The following ALG14 variants were observed in gnomAD, a reference collection of about 807,000 sequenced individuals.
ALG14 encodes the protein UDP-N-acetylglucosamine transferase subunit ALG14.
Under a neutral mutation model 22.8 loss-of-function variants are expected in ALG14, and 17 were observed. The ratio of observed to expected loss-of-function variants is 0.75; its 90% CI spans 0.51 to 1.12. The LOEUF is 1.12. Ranked by LOEUF, ALG14 falls within the 50% of genes most tolerant of loss-of-function variation. ALG14 has a pLI of 0.00. For synonymous variants in ALG14, 89 were observed against 103.7 expected (o/e 0.86, Z 0.86); for missense variants, 288 against 271.8 (o/e 1.06, Z -0.42).
intron 3 of ALG14, among the ~76,000 whole-genome samples, chr1:94,989,283 A>G (rs1043262601): frequency 1.3e-5 from 2 of 152,294 alleles, no homozygotes; most frequent in African/African-American, 4.8e-5. Flanking sequence ...AGCTTTCAGG[A>G]TTTAAGGAAG....
intron 3 of ALG14, among the ~76,000 whole-genome samples, chr1:95,024,399 C>A (rs553963948): frequency 1.3e-5 from 2 of 152,282 alleles, no homozygotes; most frequent in East Asian, 3.9e-4. Flanking sequence ...TTATTCATCC[C>A]TTTTAGTACC....
intron 2 of ALG14, among the ~76,000 whole-genome samples, chr1:95,039,993 C>T (rs2100794651): frequency 6.6e-6 from 1 of 151,970 alleles, no homozygotes; most frequent in South Asian, 2.1e-4. Context: ...GGCAACACGG[C>T]AAAACCCTAT....
chr1:95,014,179 C>T (rs958955182), intron 3 of ALG14, among the ~76,000 whole-genome samples: 2 of 152,194 alleles, frequency 1.3e-5, no homozygotes, highest in Non-Finnish European at 2.9e-5. Context: ...AGACTTCCTC[C>T]TCTGGTGACT....
intron 1 of ALG14, among the ~76,000 whole-genome samples, chr1:95,068,775 C>T (rs1405464565): frequency 6.6e-6 from 1 of 152,186 alleles, no homozygotes; most frequent in Non-Finnish European, 1.5e-5. Context: ...CCTCAATAAT[C>T]TGAATGAAGG....
intron 2 of ALG14, among the ~76,000 whole-genome samples, chr1:95,039,404 G>T (rs1674310901): frequency 6.6e-6 from 1 of 152,120 alleles, no homozygotes; most frequent in South Asian, 2.1e-4. Flanking sequence ...CTGAAGGCCT[G>T]ACGGCCAGCA....
intron 2 of ALG14, among the ~76,000 whole-genome samples, chr1:95,044,787 G>GT (rs1674492872): frequency 6.6e-6 from 1 of 151,924 alleles, no homozygotes. Context: ...ATTTTTTTGT[G>GT]TTTTTTGTTC....
At chr1:95,026,462 ATGTGTG>A (rs141495807) in intron 3 of ALG14, among the ~76,000 whole-genome samples, 2,860 of 142,316 alleles carry the variant, frequency 0.02, 83 homozygotes, top group African/African-American at 0.066. Flanking sequence ...AGCCCAAGGA[ATGTGTG>A]TGTGTGTGTG....
chr1:95,020,738 CA>C (rs113601264), intron 3 of ALG14, among the ~76,000 whole-genome samples: 8 of 137,660 alleles, frequency 5.8e-5, no homozygotes, highest in Admixed American at 7.3e-5. Flanking sequence ...AACTCCGTCT[CA>C]AAAAAAAAAA....
At chr1:95,025,847 T>C (rs550120461) in intron 3 of ALG14, among the ~76,000 whole-genome samples, 12 of 152,350 alleles carry the variant, frequency 7.9e-5, no homozygotes, top group Admixed American at 5.2e-4. Flanking sequence ...ACTGGTTTGA[T>C]AGTCTATCCA....
chr1:94,974,866 G>A lies in ALG14; in HGVS notation c.*8210C>T, dbSNP rs1346798293. The A allele has an allele frequency of 6.6e-6, 1 of 152,238 alleles. No homozygotes were observed. The highest frequency in any genetic ancestry group is 1.5e-5 in the Non-Finnish European group (1 of 68,060). The allele number at this position is 152,238 out of a possible 1,614,324, so 9.4% of individuals were successfully genotyped here. A position where few individuals can be genotyped will look rare whatever the true frequency, so the allele number is the denominator to read the frequency against. ...CTTTTCTCTCTTCCAAGGTGTCTGA[G>A]CCTCAGCTGGGAAGACCAGAAAGCC... On this transcript the variant is annotated 3_prime_UTR_variant, in exon 4 of 4. Coordinates refer to ENST00000370205, the MANE Select transcript of ALG14 (RefSeq NM_144988.4).
At chr1:95,015,087 A>G (rs1673464630) in intron 3 of ALG14, among the ~76,000 whole-genome samples, 1 of 152,130 alleles carries the variant, frequency 6.6e-6, no homozygotes, top group African/African-American at 2.4e-5. Flanking sequence ...GTGGGTTGGG[A>G]GCAAGTCAGG....
intron 2 of ALG14, among the ~76,000 whole-genome samples, chr1:95,043,330 A>G (rs1674442208): frequency 6.6e-6 from 1 of 152,158 alleles, no homozygotes; most frequent in Non-Finnish European, 1.5e-5. Context: ...TTGGGTTGCC[A>G]TAACTGGTGG....
intron 2 of ALG14, among the ~76,000 whole-genome samples, chr1:95,033,420 TAC>T (rs374040999): frequency 0.12 from 16,527 of 139,216 alleles, 949 homozygotes; most frequent in South Asian, 0.17. Context: ...TATATATATA[TAC>T]ACACACACAC....
intron 2 of ALG14, among the ~76,000 whole-genome samples, chr1:95,039,338 C>G (rs558113353): frequency 1.6e-4 from 25 of 152,094 alleles, no homozygotes; most frequent in Admixed American, 1.4e-3. Flanking sequence ...GGAGAGGGCA[C>G]GACCAGAGAA....
At chr1:95,067,659 T>C (rs781297435) in intron 1 of ALG14, 12 of 152,196 alleles carry the variant, frequency 7.9e-5, no homozygotes, top group Non-Finnish European at 1.3e-4. Context: ...CCATTTCTTT[T>C]GCTACTCCCC....
At chr1:95,055,038 G>A (rs540321835) in intron 2 of ALG14, among the ~76,000 whole-genome samples, 3 of 151,920 alleles carry the variant, frequency 2.0e-5, no homozygotes, top group East Asian at 1.9e-4. Flanking sequence ...AAATAAAATG[G>A]GAACAACCAT....
Position 95,052,716 on chromosome 1 carries a change from G to A in ALG14, c.288+12150C>T, listed in dbSNP as rs546872737. On this transcript the variant is annotated intron_variant, in intron 2 of 3. Transcript: ENST00000370205. ...CTACTAAATATACAAAAATGACTCA[G>A]GTGTGGTGGCACGTGCCTGTAATCT... Among the ~76,000 whole-genome samples the A allele has an allele frequency of 4.6e-5, 7 of 152,110 alleles. No homozygotes were observed. The East Asian group carries it at 9.7e-4, about 21-fold the overall frequency.
chr1:95,008,098 C>T (rs1035094994), intron 3 of ALG14, among the ~76,000 whole-genome samples: 3 of 152,058 alleles, frequency 2.0e-5, no homozygotes, highest in African/African-American at 7.3e-5. Flanking sequence ...CGCTTCTTTC[C>T]CATTCCATGT....
intron 3 of ALG14, among the ~76,000 whole-genome samples, chr1:95,020,563 A>G (rs1673632506): frequency 6.6e-6 from 1 of 151,832 alleles, no homozygotes; most frequent in African/African-American, 2.4e-5. Context: ...ACATGGAGAA[A>G]CCCTGTCTCT....
Sources: allele counts gnomAD v4.1 joint callset (sites outside exome capture counted in the v4.1 genomes callset), GRCh38; gene constraint gnomAD v4.1.1; transcripts MANE v1.5; gene names NCBI Gene and HGNC (gene_info 2026-07-23, HGNC 2026-07-21).